Variants in DLG1 observed in about 807,000 individuals in gnomAD.
The protein encoded by DLG1 is disks large homolog 1.
Under a neutral mutation model 123.4 loss-of-function variants are expected in DLG1, and 42 were observed. The ratio of observed to expected loss-of-function variants is 0.34; its 90% CI spans 0.27 to 0.44. The LOEUF is 0.44. Among genes scored for constraint, DLG1 ranks in the 20% least tolerant of loss-of-function variants. The pLI is 1.00. For missense variants in DLG1, 942 were observed against 1,082.6 expected (o/e 0.87, Z 1.82); for synonymous variants, 317 against 356.2 (o/e 0.89, Z 1.24).
At chr3:197,173,050 C>T (rs1438366518) in intron 5 of DLG1, among the ~76,000 whole-genome samples, 1 of 152,110 alleles carries the variant, frequency 6.6e-6, no homozygotes, top group Admixed American at 6.5e-5. Context: ...CTCGATTTTA[C>T]CTTGGCATTC....
intron 11 of DLG1, among the ~76,000 whole-genome samples, chr3:197,128,249 C>T (rs915710471): frequency 2.0e-5 from 3 of 152,236 alleles, no homozygotes; most frequent in Non-Finnish European, 2.9e-5. Flanking sequence ...CCTTTGTTGC[C>T]GTTTCGATAA....
rs2273572 is a variant in DLG1, at chr3:197,282,942, T to C, written c.152-97A>G. The C allele has an allele frequency of 5.7e-4, 369 of 645,962 alleles. 6 individuals carry two copies. In the East Asian group the frequency reaches 0.011, roughly 19 times the overall value. The allele number at this position is 645,962 out of a possible 1,614,324, so 40.0% of individuals were successfully genotyped here. A position where few individuals can be genotyped will look rare whatever the true frequency, so the allele number is the denominator to read the frequency against. ...TAACTCAAAAGCACAATTTTTACTC[T>C]AGATTAGTAAATCAATTCCCATCGT... On this transcript the variant is annotated intron_variant, in intron 3 of 24. Coordinates refer to ENST00000667157, the MANE Select transcript of DLG1 (RefSeq NM_001366207.1).
At chr3:197,047,303 A>C (rs1371528021) in intron 24 of DLG1, among the ~76,000 whole-genome samples, 1 of 152,236 alleles carries the variant, frequency 6.6e-6, no homozygotes, top group Non-Finnish European at 1.5e-5. Flanking sequence ...TATCAGAAAA[A>C]AACCTATAAA....
chr3:197,297,823 C>T lies in DLG1; in HGVS notation c.-31-588G>A. 3.0e-6 allele frequency: 3 copies of T among 985,424 alleles called. No homozygotes were observed. In the South Asian group the frequency reaches 1.4e-4, roughly 46 times the overall value. The allele number at this position is 985,424 out of a possible 1,614,324, so 61.0% of individuals were successfully genotyped here. A position where few individuals can be genotyped will look rare whatever the true frequency, so the allele number is the denominator to read the frequency against. On this transcript the variant is annotated intron_variant, in intron 1 of 24. Transcript: ENST00000667157. ...ACAAAGTTCCGGTGAGCGGCGTGCG[C>T]TCGGAACTGGGGTGCGCCCCGGCCA...
At chr3:197,121,252 CG>C (rs1165443717) in intron 11 of DLG1, among the ~76,000 whole-genome samples, 1 of 152,020 alleles carries the variant, frequency 6.6e-6, no homozygotes, top group Non-Finnish European at 1.5e-5. Context: ...AAAGAAATGA[CG>C]GCCTCAAAGA....
At chr3:197,182,560 A>G (rs1712932085) in intron 5 of DLG1, among the ~76,000 whole-genome samples, 1 of 152,182 alleles carries the variant, frequency 6.6e-6, no homozygotes, top group Non-Finnish European at 1.5e-5. Flanking sequence ...GTTATAGTTT[A>G]TATTTATTGA....
chr3:197,070,823 T>G (rs1462694474), intron 18 of DLG1: 5 of 150,032 alleles, frequency 3.3e-5, no homozygotes, highest in Non-Finnish European at 5.9e-5. Context: ...CTGTCTGCCT[T>G]GGCCTCCCAA....
At chr3:197,241,211 G>A (rs1362388851) in intron 4 of DLG1, among the ~76,000 whole-genome samples, 2 of 151,910 alleles carry the variant, frequency 1.3e-5, no homozygotes, top group East Asian at 1.9e-4. Flanking sequence ...ACTTCTCAAC[G>A]GAAACCATAC....
chr3:197,252,942 A>T (rs544174124), intron 4 of DLG1, among the ~76,000 whole-genome samples: 1 of 152,072 alleles, frequency 6.6e-6, no homozygotes, highest in African/African-American at 2.4e-5. Flanking sequence ...TTACCACAAT[A>T]AAAAAAATAC....
intron 23 of DLG1, among the ~76,000 whole-genome samples, chr3:197,054,342 T>C (rs1045315033): frequency 6.7e-4 from 92 of 137,234 alleles, no homozygotes; most frequent in Non-Finnish European, 1.2e-3. Context: ...TTCTCTCTAT[T>C]CTCCTTCAAG....
intron 4 of DLG1, among the ~76,000 whole-genome samples, chr3:197,270,311 A>G (rs1763393239): frequency 6.6e-6 from 1 of 152,234 alleles, no homozygotes; most frequent in Non-Finnish European, 1.5e-5. Flanking sequence ...AAATGTATGT[A>G]AACATTTAGT....
chr3:197,063,120 C>T (rs1048200461), intron 22 of DLG1, among the ~76,000 whole-genome samples: 1 of 151,734 alleles, frequency 6.6e-6, no homozygotes, highest in Admixed American at 6.6e-5. Flanking sequence ...TAAGACTTCT[C>T]CCCTCTTCAA....
chr3:197,284,463 C>T (rs1342264770), intron 3 of DLG1, among the ~76,000 whole-genome samples: 21 of 152,122 alleles, frequency 1.4e-4, no homozygotes, highest in Admixed American at 1.4e-3. Context: ...TTCAATAAAC[C>T]TATGCAAAAA....
intron 14 of DLG1, among the ~76,000 whole-genome samples, chr3:197,100,748 T>G (rs1428721759): frequency 6.6e-6 from 1 of 152,096 alleles, no homozygotes; most frequent in African/African-American, 2.4e-5. Context: ...ATTCAACAGA[T>G]GCAGGAAAAA....
intron 23 of DLG1, among the ~76,000 whole-genome samples, chr3:197,057,260 C>T (rs141440637): frequency 1.3e-5 from 2 of 152,174 alleles, no homozygotes; most frequent in Non-Finnish European, 2.9e-5. Context: ...TTAAAGTTTT[C>T]TGTAGAGACA....
At chr3:197,130,703 T>C (rs920740158) in intron 10 of DLG1, 32 bp from the exon 11 acceptor site, 5 of 1,518,332 alleles carry the variant, frequency 3.3e-6, no homozygotes, top group East Asian at 2.3e-5. Flanking sequence ...ATTTATGACA[T>C]ATTCACTTGT....
intron 15 of DLG1, among the ~76,000 whole-genome samples, chr3:197,090,147 G>A (rs1235479632): frequency 6.6e-6 from 1 of 152,036 alleles, no homozygotes; most frequent in Non-Finnish European, 1.5e-5. Flanking sequence ...AACAGAATCA[G>A]GACGACTGAG....
At chr3:197,147,430 GTGCA>G (rs1292668714) in intron 6 of DLG1, among the ~76,000 whole-genome samples, 55 of 91,252 alleles carry the variant, frequency 6.0e-4, no homozygotes, top group Middle Eastern at 5.6e-3. Flanking sequence ...AATATATGGT[GTGCA>G]CACACACACA....
At chr3:197,162,968 T>C (rs1799412839) in intron 5 of DLG1, among the ~76,000 whole-genome samples, 1 of 152,166 alleles carries the variant, frequency 6.6e-6, no homozygotes, top group Non-Finnish European at 1.5e-5. Context: ...AAGGGTTTAA[T>C]ATCCAGAACA....
Sources: gnomAD v4.1 joint callset for allele counts (sites outside exome capture counted in the v4.1 genomes callset) on GRCh38, gnomAD v4.1.1 for gene constraint, MANE v1.5 for transcripts, NCBI Gene and HGNC (gene_info 2026-07-23, HGNC 2026-07-21) for gene names.